SGMS2: variants seen among roughly 807,000 people sequenced by gnomAD.
The protein encoded by SGMS2 is phosphatidylcholine:ceramide cholinephosphotransferase 2.
In SGMS2, 21 loss-of-function variants were observed where a neutral mutation model predicts 43.8. That is an observed-to-expected ratio of 0.48 (90% CI 0.34 to 0.69). SGMS2 has a LOEUF of 0.69. Among genes scored for constraint, SGMS2 ranks in the 30% least tolerant of loss-of-function variants. The pLI, the probability that SGMS2 is intolerant of heterozygous loss-of-function variation, is 0.01. For missense variants in SGMS2, 384 were observed against 443.2 expected, an observed-to-expected ratio of 0.87 and a Z score of 1.20; for synonymous variants, 167 against 160.6, an observed-to-expected ratio of 1.04 and a Z score of -0.30.
intron 3 of SGMS2, among the ~76,000 whole-genome samples, chr4:107,897,248 C>T (rs1023058027): frequency 6.6e-6 from 1 of 152,206 alleles, no homozygotes; most frequent in African/African-American, 2.4e-5. Context: ...CATTCCTAAG[C>T]ATTTTCCTTA....
At chr4:107,844,844 G>C (rs1578516338) in intron 1 of SGMS2, among the ~76,000 whole-genome samples, 1 of 152,328 alleles carries the variant, frequency 6.6e-6, no homozygotes, top group East Asian at 1.9e-4. Flanking sequence ...ACCAGGTATA[G>C]TCAAATACAG....
intron 2 of SGMS2, chr4:107,886,797 G>C: frequency 6.6e-6 from 1 of 152,000 alleles, no homozygotes. Context: ...CCTAAGCCTT[G>C]GTAAAATAAC....
chr4:107,838,157 G>A (rs1726298345), intron 1 of SGMS2, among the ~76,000 whole-genome samples: 1 of 152,182 alleles, frequency 6.6e-6, no homozygotes. Flanking sequence ...AACCAATGAG[G>A]AGGACCGAAA....
intron 1 of SGMS2, among the ~76,000 whole-genome samples, chr4:107,845,593 C>T (rs960189986): frequency 6.6e-6 from 1 of 152,134 alleles, no homozygotes; most frequent in African/African-American, 2.4e-5. Flanking sequence ...TAGTGTGGTT[C>T]CTTGAGACAA....
intron 5 of SGMS2, among the ~76,000 whole-genome samples, chr4:107,906,374 G>T (rs1054246604): frequency 1.3e-5 from 2 of 152,138 alleles, no homozygotes; most frequent in African/African-American, 4.8e-5. Context: ...TGGGGGGTAG[G>T]TTCATGATAA....
At chr4:107,832,608 A>G (rs1370096731) in intron 1 of SGMS2, among the ~76,000 whole-genome samples, 1 of 152,092 alleles carries the variant, frequency 6.6e-6, no homozygotes, top group Non-Finnish European at 1.5e-5. Flanking sequence ...TTTGGGCCCT[A>G]TTTGTGTCTT....
intron 3 of SGMS2, among the ~76,000 whole-genome samples, chr4:107,897,583 C>G (rs1730779444): frequency 6.6e-6 from 1 of 152,170 alleles, no homozygotes; most frequent in Non-Finnish European, 1.5e-5. Flanking sequence ...CTCAATTTAG[C>G]TGTATTTTCA....
chr4:107,844,769 T>A lies in SGMS2; in HGVS notation c.-326-13703T>A, dbSNP rs533882724. 3.9e-5 allele frequency among the ~76,000 whole-genome samples: 6 copies of A among 152,302 alleles called. No individual in the cohort carries two copies. The Middle Eastern group carries it at 0.014, about 345-fold the overall frequency. On this transcript the variant is annotated intron_variant, in intron 1 of 6. Coordinates refer to ENST00000690982, the MANE Select transcript of SGMS2 (RefSeq NM_001375905.1). ...GATTCTAAAATGAACCAATTTTAGATTCTAAAATGAACCAATGAAATGACA... is the reference window on the plus strand; with the variant it reads ...GATTCTAAAATGAACCAATTTTAGAATCTAAAATGAACCAATGAAATGACA...
intron 1 of SGMS2, among the ~76,000 whole-genome samples, chr4:107,851,210 C>T (rs1727123243): frequency 6.6e-6 from 1 of 152,124 alleles, no homozygotes; most frequent in African/African-American, 2.4e-5. Context: ...CGGTGCATGC[C>T]ATGCTCATGG....
In SGMS2 at chr4:107,911,011, C is replaced by T; in HGVS notation, c.*458C>T. ...GAGTGGTTTTTAGCATTAGGTTTAGCAAGGGGGAGATCCGTGGGTTGTGCG... is the reference window on the plus strand; with the variant it reads ...GAGTGGTTTTTAGCATTAGGTTTAGTAAGGGGGAGATCCGTGGGTTGTGCG... On this transcript the variant is annotated 3_prime_UTR_variant, in exon 7 of 7. Transcript: ENST00000690982. 1 of 158,646 alleles carries T rather than the reference C, an allele frequency of 6.3e-6. No individual in the cohort carries two copies. Among genetic ancestry groups the T allele is most frequent in the Non-Finnish European group, 1.4e-5 (1 of 72,044 alleles). The allele number at this position is 158,646 out of a possible 1,614,324, so 9.8% of individuals were successfully genotyped here. A position where few individuals can be genotyped will look rare whatever the true frequency, so the allele number is the denominator to read the frequency against.
At position 107,912,080 on chromosome 4, in the gene SGMS2, T is replaced by C. The variant is rs1009025863; in HGVS notation, c.*1527T>C. ...ATGGAAAACATCCCCAAATGTATCA[T>C]TATAAACTAGTCAGCCTTGACTACA... is the stretch of plus-strand genomic sequence containing the variant. On this transcript the variant is annotated 3_prime_UTR_variant, in exon 7 of 7. Transcript: ENST00000690982. 2.6e-5 allele frequency: 4 copies of C among 152,186 alleles called. No individual in the cohort carries two copies. Among genetic ancestry groups the C allele is most frequent in the African/African-American group, 9.7e-5 (4 of 41,448 alleles). 9.4% of individuals were successfully genotyped at this position (152,186 alleles called of 1,614,324 possible).
chr4:107,845,144 A>G (rs898357225), intron 1 of SGMS2, among the ~76,000 whole-genome samples: 1 of 152,200 alleles, frequency 6.6e-6, no homozygotes, highest in Non-Finnish European at 1.5e-5. Flanking sequence ...CAGGGAGCAG[A>G]AAGTTATAGA....
Position 107,910,620 on chromosome 4 carries a change from G to T in SGMS2, c.*67G>T, listed in dbSNP as rs1209136926. 2.3e-5 allele frequency: 34 copies of T among 1,481,962 alleles called. No individual in the cohort carries two copies. Among genetic ancestry groups the T allele is most frequent in the Non-Finnish European group, 2.9e-5 (32 of 1,098,406 alleles). The allele number at this position is 1,481,962 out of a possible 1,614,324, so 91.8% of individuals were successfully genotyped here. On this transcript the variant is annotated 3_prime_UTR_variant, in exon 7 of 7. Coordinates refer to ENST00000690982, the MANE Select transcript of SGMS2 (RefSeq NM_001375905.1). The stretch of plus-strand genomic sequence containing the variant: ...ACGCTGTAACCAAAGGTATAGTTTT[G>T]TTTTTTATTTTAGGAGAACTGACTG...
At chr4:107,868,490 G>C (rs759218059) in intron 2 of SGMS2, among the ~76,000 whole-genome samples, 1 of 152,186 alleles carries the variant, frequency 6.6e-6, no homozygotes, top group Non-Finnish European at 1.5e-5. Flanking sequence ...GCCTAGGCGG[G>C]TGGATCACCT....
intron 6 of SGMS2, among the ~76,000 whole-genome samples, chr4:107,908,973 A>G (rs1731855348): frequency 6.6e-6 from 1 of 152,250 alleles, no homozygotes; most frequent in African/African-American, 2.4e-5. Flanking sequence ...AACTTAAACT[A>G]GAATGAAAAA....
At chr4:107,856,905 G>A (rs767648412) in intron 1 of SGMS2, among the ~76,000 whole-genome samples, 1 of 152,174 alleles carries the variant, frequency 6.6e-6, no homozygotes, top group Non-Finnish European at 1.5e-5. Context: ...CCTTTTTAAA[G>A]TGTACAAATC....
At chr4:107,829,349 A>G (rs1322193581) in intron 1 of SGMS2, among the ~76,000 whole-genome samples, 2 of 152,118 alleles carry the variant, frequency 1.3e-5, no homozygotes, top group Non-Finnish European at 2.9e-5. Context: ...TCACTTTTCT[A>G]TTTTGATTTC....
chr4:107,831,188 C>G (rs1725870333), intron 1 of SGMS2, among the ~76,000 whole-genome samples: 1 of 152,178 alleles, frequency 6.6e-6, no homozygotes, highest in Non-Finnish European at 1.5e-5. Flanking sequence ...TCCCAGTACC[C>G]TGCATGGCTT....
intron 4 of SGMS2, among the ~76,000 whole-genome samples, chr4:107,901,656 A>T (rs1731118285): frequency 6.6e-6 from 1 of 152,102 alleles, no homozygotes; most frequent in Non-Finnish European, 1.5e-5. Flanking sequence ...TTTGCTTATA[A>T]TTTGCTTCAA....
Sources: allele counts gnomAD v4.1 joint callset (sites outside exome capture counted in the v4.1 genomes callset), GRCh38; gene constraint gnomAD v4.1.1; transcripts MANE v1.5; gene names NCBI Gene and HGNC (gene_info 2026-07-23, HGNC 2026-07-21).